The following RCOR1 variants were observed in gnomAD, a reference collection of about 807,000 sequenced individuals.
The protein encoded by RCOR1 is REST corepressor.
A neutral mutation model predicts 64.0 loss-of-function variants in RCOR1; 12 were observed. The observed-to-expected ratio is 0.19, with a 90% CI of 0.12 to 0.30. The LOEUF is 0.30. RCOR1 is among the 10% of genes least tolerant of loss of function. RCOR1 has a pLI of 1.00. For missense variants in RCOR1, 502 were observed against 621.2 expected (o/e 0.81, Z 2.04); for synonymous variants, 279 against 227.2 (o/e 1.23, Z -2.05).
In RCOR1 at chr14:102,615,581, T is replaced by C. The variant is rs189039039; in HGVS notation, c.361+22256T>C. Among the ~76,000 whole-genome samples, 369 of 151,932 alleles carry C rather than the reference T, an allele frequency of 2.4e-3. 5 individuals are homozygous for C. Among genetic ancestry groups the C allele is most frequent in the African/African-American group, 8.7e-3 (359 of 41,438 alleles). On this transcript the variant is annotated intron_variant, in intron 2 of 11. Coordinates refer to ENST00000262241, the MANE Select transcript of RCOR1 (RefSeq NM_015156.4). ...CTCCTGCCTCAGCCTCCCAAGTAGC[T>C]GGGATTACAGGTGTGCACCACCATG...
At position 102,603,305 on chromosome 14, in the gene RCOR1, C is replaced by G. The variant is rs966840494; in HGVS notation, c.361+9980C>G. Among the ~76,000 whole-genome samples the G allele has an allele frequency of 1.8e-4, 27 of 151,670 alleles. 1 individual carries two copies. The highest frequency in any genetic ancestry group is 1.7e-3 in the Admixed American group (26 of 15,208). On this transcript the variant is annotated intron_variant, in intron 2 of 11. Coordinates refer to ENST00000262241, the MANE Select transcript of RCOR1 (RefSeq NM_015156.4). Reference sequence around the variant, plus strand: ...CTAAGTATCGATAAGAAAAGAGTGTCTTTTTATTTATTTTTTATTTGTTTA... The same window carrying G: ...CTAAGTATCGATAAGAAAAGAGTGTGTTTTTATTTATTTTTTATTTGTTTA...
At chr14:102,713,912 A>G (rs916228674) in intron 7 of RCOR1, among the ~76,000 whole-genome samples, 18 of 152,224 alleles carry the variant, frequency 1.2e-4, no homozygotes, top group Non-Finnish European at 2.6e-4. Flanking sequence ...ACAAGATTTT[A>G]CTGTGTTTCA....
At chr14:102,650,526 A>G (rs888225380) in intron 2 of RCOR1, among the ~76,000 whole-genome samples, 10 of 152,198 alleles carry the variant, frequency 6.6e-5, no homozygotes, top group African/African-American at 2.4e-4. Context: ...CACACATTCT[A>G]CAAACCTCGC....
At chr14:102,670,507 T>C (rs922871363) in intron 2 of RCOR1, among the ~76,000 whole-genome samples, 2 of 152,048 alleles carry the variant, frequency 1.3e-5, no homozygotes, top group Non-Finnish European at 2.9e-5. Context: ...ACAATAAATA[T>C]ACACAATATA....
In RCOR1 at chr14:102,730,055, CA is replaced by C. The variant is rs1896340660; in HGVS notation, c.*3550del. On this transcript the variant is annotated 3_prime_UTR_variant, in exon 12 of 12. Transcript: ENST00000262241. ...TCTTACCTGTAGTAAAGCACAATTG[CA>C]GTGGCGTCGCATTCAGAAGAAGGGA... 2.5e-6 allele frequency: 1 copy of C among 398,956 alleles called. No individual in the cohort carries two copies. The highest frequency in any genetic ancestry group is 4.4e-6 in the Non-Finnish European group (1 of 226,082). 24.7% of individuals were successfully genotyped at this position (398,956 alleles called of 1,614,324 possible).
At chr14:102,713,371 G>A (rs1161906172) in intron 7 of RCOR1, among the ~76,000 whole-genome samples, 2 of 149,558 alleles carry the variant, frequency 1.3e-5, no homozygotes, top group Non-Finnish European at 3.0e-5. Flanking sequence ...CCATTCTCCT[G>A]CCTCAGCCTC....
chr14:102,609,268 C>T (rs987003912), intron 2 of RCOR1, among the ~76,000 whole-genome samples: 1 of 151,696 alleles, frequency 6.6e-6, no homozygotes, highest in Non-Finnish European at 1.5e-5. Context: ...GTCTTGAACT[C>T]CCGACCTCAG....
rs1206555035 is a variant in RCOR1 at position 102,727,910 on chromosome 14, G to A, written c.*1404G>A. On this transcript the variant is annotated 3_prime_UTR_variant, in exon 12 of 12. Transcript: ENST00000262241. ...TTCCCACCCCACGGCCATTCAGACT[G>A]CACTCAATACGCTGAAGTCGCTTTT... The A allele has an allele frequency of 1.3e-5, 2 of 152,602 alleles. No homozygotes were observed. Among genetic ancestry groups the A allele is most frequent in the Non-Finnish European group, 2.9e-5 (2 of 68,062 alleles). The allele number at this position is 152,602 out of a possible 1,614,324, so 9.5% of individuals were successfully genotyped here. A position where few individuals can be genotyped will look rare whatever the true frequency, so the allele number is the denominator to read the frequency against.
chr14:102,702,527 A>G (rs1000687987), intron 4 of RCOR1, among the ~76,000 whole-genome samples: 1 of 151,356 alleles, frequency 6.6e-6, no homozygotes, highest in African/African-American at 2.4e-5. Flanking sequence ...AATAACAGCA[A>G]TTGTTCTTTC....
At position 102,592,984 on chromosome 14, in the gene RCOR1, C is replaced by CCGCCTCGGCCGCCTG. The variant is rs1595184386; in HGVS notation, c.106_120dup (p.Ala36_Ser40dup). 1 of 1,151,912 alleles carries CCGCCTCGGCCGCCTG rather than the reference C, an allele frequency of 8.7e-7. No homozygotes were observed. Among genetic ancestry groups the CCGCCTCGGCCGCCTG allele is most frequent in the East Asian group, 4.8e-5 (1 of 20,636 alleles). The allele number at this position is 1,151,912 out of a possible 1,614,324, so 71.4% of individuals were successfully genotyped here. On this transcript the variant is annotated inframe_insertion, in exon 1 of 12. Coordinates refer to ENST00000262241, the MANE Select transcript of RCOR1 (RefSeq NM_015156.4). ...GCCTCCGCCGCCGCCGCCTCCGCCG[C>CCGCCTCGGCCGCCTG]CGCCTCGGCCGCCTGCGCCTCGCCA...
At chr14:102,659,458 G>A (rs984036969) in intron 2 of RCOR1, among the ~76,000 whole-genome samples, 1 of 152,168 alleles carries the variant, frequency 6.6e-6, no homozygotes, top group Admixed American at 6.5e-5. Flanking sequence ...ACCAGGACAA[G>A]GAACCAATTC....
chr14:102,643,423 G>A (rs1894413577), intron 2 of RCOR1: 1 of 514,680 alleles, frequency 1.9e-6, no homozygotes, highest in Non-Finnish European at 2.5e-6. Flanking sequence ...GTATAGAGAT[G>A]TCACTAATGT....
chr14:102,717,295 G>A (rs908258520), intron 8 of RCOR1, among the ~76,000 whole-genome samples: 1 of 152,184 alleles, frequency 6.6e-6, no homozygotes, highest in Non-Finnish European at 1.5e-5. Flanking sequence ...TTATCTTGAT[G>A]GTTCCCTTGG....
chr14:102,634,010 C>A (rs984297817), intron 2 of RCOR1, among the ~76,000 whole-genome samples: 5 of 152,042 alleles, frequency 3.3e-5, no homozygotes, highest in African/African-American at 1.2e-4. Context: ...GTGTACTCCA[C>A]GTAATTGTGC....
At chr14:102,598,703 C>A (rs1467481072) in intron 2 of RCOR1, among the ~76,000 whole-genome samples, 1 of 152,152 alleles carries the variant, frequency 6.6e-6, no homozygotes, top group Non-Finnish European at 1.5e-5. Context: ...CCGCCTCGGC[C>A]TCCCAGAGTG....
intron 9 of RCOR1, 50 bp downstream of exon 9, chr14:102,721,134 T>C: frequency 8.3e-7 from 1 of 1,202,638 alleles, no homozygotes. Flanking sequence ...GTTTTACATG[T>C]TTAAGAATTT....
chr14:102,615,357 G>A (rs1056877390), intron 2 of RCOR1, among the ~76,000 whole-genome samples: 1 of 151,332 alleles, frequency 6.6e-6, no homozygotes, highest in African/African-American at 2.4e-5. Flanking sequence ...GTCCCAGCTG[G>A]TCTCGAACCC....
intron 2 of RCOR1, among the ~76,000 whole-genome samples, chr14:102,602,326 T>A (rs1893418860): frequency 6.6e-6 from 1 of 152,000 alleles, no homozygotes; most frequent in African/African-American, 2.4e-5. Flanking sequence ...GTTAGTTAGG[T>A]TATTAATTTT....
intron 2 of RCOR1, among the ~76,000 whole-genome samples, chr14:102,603,732 C>T (rs1893449567): frequency 6.6e-6 from 1 of 151,990 alleles, no homozygotes; most frequent in Non-Finnish European, 1.5e-5. Context: ...ATGATCCTCC[C>T]ACCTCAGCTT....
Sources: gnomAD v4.1 joint callset for allele counts (sites outside exome capture counted in the v4.1 genomes callset) on GRCh38, gnomAD v4.1.1 for gene constraint, MANE v1.5 for transcripts, NCBI Gene and HGNC (gene_info 2026-07-23, HGNC 2026-07-21) for gene names.